CAST: variants seen among roughly 807,000 people sequenced by gnomAD.
CAST encodes calpastatin.
CAST carries 76 observed loss-of-function variants against 119.6 expected under a neutral mutation model. The ratio of observed to expected loss-of-function variants is 0.64; its 90% CI spans 0.53 to 0.77. The LOEUF (loss-of-function observed/expected upper bound fraction) is 0.77, where lower values mean the gene tolerates loss of function less well. CAST is among the 30% of genes least tolerant of loss of function. The pLI is 0.00. For missense variants in CAST, 953 were observed against 946.5 expected (o/e 1.01, Z -0.09); for synonymous variants, 319 against 331.6 (o/e 0.96, Z 0.41).
At chr5:95,963,816 G>C in the CAST span, among the ~76,000 whole-genome samples, 1 of 150,450 alleles carries the variant, frequency 6.6e-6, no homozygotes, top group Non-Finnish European at 1.5e-5. Flanking sequence ...AGGTTTGACC[G>C]GAACAAGTAA....
At chr5:96,154,066 A>G in the CAST span, among the ~76,000 whole-genome samples, 33 of 152,252 alleles carry the variant, frequency 2.2e-4, no homozygotes, top group Admixed American at 1.5e-3. Context: ...TCACAAGGTC[A>G]GGAGATCGAG....
chr5:96,661,136 G>A (rs1278530514), upstream of CAST, among the ~76,000 whole-genome samples: 5 of 151,588 alleles, frequency 3.3e-5, no homozygotes, highest in African/African-American at 1.2e-4. Flanking sequence ...CCTTCTGGCC[G>A]GCTGTAGTGG....
At chr5:96,293,701 A>G in the CAST span, among the ~76,000 whole-genome samples, 1 of 152,210 alleles carries the variant, frequency 6.6e-6, no homozygotes, top group African/African-American at 2.4e-5. Context: ...TGTATTGTTT[A>G]TAAAAGCTTA....
chr5:96,309,075 A>C, the CAST span, among the ~76,000 whole-genome samples: 1 of 151,914 alleles, frequency 6.6e-6, no homozygotes. Context: ...CTTCCCCCAG[A>C]TGCTTTGTCC....
the CAST span, among the ~76,000 whole-genome samples, chr5:96,492,540 A>G: frequency 6.6e-6 from 1 of 152,214 alleles, no homozygotes; most frequent in Non-Finnish European, 1.5e-5. Flanking sequence ...TTTCGCTTAC[A>G]TAGGAAAGCT....
chr5:96,657,452 T>C (rs1748180490), upstream of CAST, among the ~76,000 whole-genome samples: 1 of 152,112 alleles, frequency 6.6e-6, no homozygotes, highest in African/African-American at 2.4e-5. Flanking sequence ...ATGACAATTT[T>C]TTGAGTGGGA....
chr5:96,625,403 T>A (rs1747703271), intron 1 of CAST, among the ~76,000 whole-genome samples: 1 of 152,216 alleles, frequency 6.6e-6, no homozygotes, highest in African/African-American at 2.4e-5. Flanking sequence ...TTTCTTGTAA[T>A]GTTTTCTAGA....
chr5:96,735,504 A>G (rs1005242653), intron 9 of CAST, among the ~76,000 whole-genome samples: 3 of 152,250 alleles, frequency 2.0e-5, no homozygotes, highest in African/African-American at 4.8e-5. Flanking sequence ...GAGTGTATAC[A>G]GTGGGGACCA....
chr5:96,584,695 A>G (rs958846894), intron 1 of CAST: 3 of 125,536 alleles, frequency 2.4e-5, no homozygotes, highest in African/African-American at 5.4e-5. Context: ...AGCTGGGGTC[A>G]TTAGAATCCA....
chr5:96,619,972 TAA>T (rs1430280896), intron 1 of CAST, among the ~76,000 whole-genome samples: 1 of 152,184 alleles, frequency 6.6e-6, no homozygotes, highest in Non-Finnish European at 1.5e-5. Context: ...TCCACTTCTG[TAA>T]AATAAAGACA....
At chr5:96,526,772 C>T (rs1166493748), upstream of CAST, among the ~76,000 whole-genome samples, 1 of 152,202 alleles carries the variant, frequency 6.6e-6, no homozygotes, top group Non-Finnish European at 1.5e-5. Flanking sequence ...TGAGACAGAT[C>T]TCAATCAACT....
At chr5:96,702,090 C>T (rs976136095) in intron 3 of CAST, among the ~76,000 whole-genome samples, 2 of 152,122 alleles carry the variant, frequency 1.3e-5, no homozygotes, top group Non-Finnish European at 2.9e-5. Context: ...GTCTGTGTTC[C>T]TCAAACAGTG....
At chr5:96,600,702 G>A (rs1403859842) in intron 1 of CAST, among the ~76,000 whole-genome samples, 1 of 151,962 alleles carries the variant, frequency 6.6e-6, no homozygotes. Context: ...CTAATCCTCT[G>A]CGCAAAACTG....
chr5:96,541,269 A>G (rs528812918), intron 1 of CAST, among the ~76,000 whole-genome samples: 3 of 152,182 alleles, frequency 2.0e-5, no homozygotes, highest in African/African-American at 7.2e-5. Context: ...AGCTTTGGCT[A>G]CTAAGAGTTC....
the CAST span, among the ~76,000 whole-genome samples, chr5:96,338,449 G>T: frequency 6.6e-6 from 1 of 151,928 alleles, no homozygotes; most frequent in East Asian, 1.9e-4. Context: ...ATTTCTGTAG[G>T]TAGTGGTTAC....
chr5:96,550,604 T>A (rs1392956221), intron 1 of CAST, among the ~76,000 whole-genome samples: 1 of 152,106 alleles, frequency 6.6e-6, no homozygotes, highest in Non-Finnish European at 1.5e-5. Flanking sequence ...AGGTTGGTAA[T>A]AATAAACTTC....
At chr5:96,620,123 CTCTGGCAGTT>C (rs1481014836) in intron 1 of CAST, among the ~76,000 whole-genome samples, 2 of 152,312 alleles carry the variant, frequency 1.3e-5, no homozygotes, top group African/African-American at 4.8e-5. Context: ...GAAGGCCAGG[CTCTGGCAGTT>C]ATTCAGTGCT....
chr5:96,461,208 G>A, the CAST span, among the ~76,000 whole-genome samples: 10 of 152,002 alleles, frequency 6.6e-5, no homozygotes, highest in African/African-American at 2.4e-4. Flanking sequence ...CCCTTTTTAT[G>A]ACTGAATAAT....
At chr5:96,600,597 T>C (rs920207715) in intron 1 of CAST, among the ~76,000 whole-genome samples, 1 of 152,216 alleles carries the variant, frequency 6.6e-6, no homozygotes, top group Non-Finnish European at 1.5e-5. Context: ...AACTATGTTC[T>C]CACCTAAGAG....
Sources: allele counts gnomAD v4.1 joint callset (sites outside exome capture counted in the v4.1 genomes callset), GRCh38; gene constraint gnomAD v4.1.1; transcripts MANE v1.5; gene names NCBI Gene and HGNC (gene_info 2026-07-23, HGNC 2026-07-21).